NSG2: variants seen among roughly 807,000 people sequenced by gnomAD.
NSG2 encodes the protein neuronal vesicle trafficking associated 2.
A neutral mutation model predicts 16.9 loss-of-function variants in NSG2; 4 were observed. That is an observed-to-expected ratio of 0.24 (90% confidence interval 0.12 to 0.54). The LOEUF (loss-of-function observed/expected upper bound fraction) is 0.54. NSG2 is among the 20% of genes least tolerant of loss of function. The pLI is 0.95. For synonymous variants in NSG2, 98 were observed against 88.7 expected, an observed-to-expected ratio of 1.11 and a Z score of -0.59; for missense variants, 179 against 221.1, an observed-to-expected ratio of 0.81 and a Z score of 1.21.
At chr5:174,086,085 C>G (rs1760613305) in intron 3 of NSG2, among the ~76,000 whole-genome samples, 1 of 152,090 alleles carries the variant, frequency 6.6e-6, no homozygotes, top group South Asian at 2.1e-4. Flanking sequence ...ACCCGTTTAA[C>G]CCCCTGCCCT....
chr5:174,072,511 C>A lies in NSG2; in HGVS notation c.213+8196C>A, dbSNP rs532651346. On this transcript the variant is annotated intron_variant, in intron 3 of 4. Coordinates refer to ENST00000303177, the MANE Select transcript of NSG2 (RefSeq NM_015980.5). This position sits in a 1 kb window ranked among gnomAD's most constrained non-coding sequence, Gnocchi z 4.0. ...CTGACATGCAAAGCCTGTCCTTTCT[C>A]CTTTGGGTTCCTGCATGTCCTATAG... 6.6e-6 allele frequency among the ~76,000 whole-genome samples: 1 copy of A among 152,360 alleles called. No individual in the cohort carries two copies. The highest frequency in any genetic ancestry group is 1.5e-5 in the Non-Finnish European group (1 of 68,038).
At chr5:174,078,472 T>G (rs1290288731) in intron 3 of NSG2, among the ~76,000 whole-genome samples, 2 of 152,242 alleles carry the variant, frequency 1.3e-5, no homozygotes, top group African/African-American at 4.8e-5. Flanking sequence ...AGAGGATGTT[T>G]CATCATCTTT....
At chr5:174,048,931 T>C (rs1489789398) in intron 2 of NSG2, among the ~76,000 whole-genome samples, 1 of 152,206 alleles carries the variant, frequency 6.6e-6, no homozygotes, top group Admixed American at 6.5e-5. Flanking sequence ...TCACACAGTC[T>C]TTCACCAGGG....
intron 2 of NSG2, among the ~76,000 whole-genome samples, chr5:174,048,529 G>A (rs1282973550): frequency 6.6e-6 from 1 of 152,196 alleles, no homozygotes; most frequent in East Asian, 1.9e-4. Flanking sequence ...ATAAGTAGAG[G>A]TTGGGTAGGA....
At chr5:174,086,859 C>T (rs958894581) in intron 3 of NSG2, among the ~76,000 whole-genome samples, 5 of 152,214 alleles carry the variant, frequency 3.3e-5, no homozygotes, top group African/African-American at 9.7e-5. Flanking sequence ...GACCCTCGCT[C>T]TTCTTCCTAA....
At chr5:174,093,357 A>G (rs759430496) in intron 3 of NSG2, among the ~76,000 whole-genome samples, 5 of 152,208 alleles carry the variant, frequency 3.3e-5, no homozygotes, top group Non-Finnish European at 7.3e-5. Flanking sequence ...CCGCCATCCA[A>G]CAGCTATTGT....
intron 2 of NSG2, among the ~76,000 whole-genome samples, chr5:174,052,348 G>A (rs1257238704): frequency 1.3e-5 from 2 of 152,038 alleles, no homozygotes; most frequent in Non-Finnish European, 2.9e-5. Context: ...AGGTTGATTG[G>A]GAGGAGAATT....
chr5:174,104,326 A>G lies in NSG2; in HGVS notation c.312A>G (p.Gly104=), dbSNP rs773018930. The G allele has an allele frequency of 2.5e-6, 4 of 1,612,214 alleles. No individual in the cohort carries two copies. The highest frequency in any genetic ancestry group is 3.4e-6 in the Non-Finnish European group (4 of 1,178,230). Residue 104 remains glycine, a synonymous_variant, in exon 4 of 5, where the codon GGA becomes GGG. Coordinates refer to ENST00000303177, the MANE Select transcript of NSG2 (RefSeq NM_015980.5). ...AFTYDHSCPE[G]FVYKHKRCIP... The stretch of plus-strand genomic sequence containing the variant: ...CCTATGATCACAGCTGCCCAGAGGG[A>G]TTCGTCTATAAGGTAAGAGGTGGTT...
intron 2 of NSG2, among the ~76,000 whole-genome samples, chr5:174,063,426 C>T (rs1252198907): frequency 6.6e-6 from 1 of 152,164 alleles, no homozygotes; most frequent in East Asian, 1.9e-4. Flanking sequence ...ACAGATTCAA[C>T]AGAACTTTCT....
intron 3 of NSG2, chr5:174,082,278 A>G (rs191667422): frequency 6.6e-6 from 1 of 152,358 alleles, no homozygotes; most frequent in Non-Finnish European, 1.5e-5. Context: ...ATGGAAGTAC[A>G]AGACGTGGCT....
At chr5:174,087,030 G>A (rs1470176214) in intron 3 of NSG2, among the ~76,000 whole-genome samples, 1 of 152,140 alleles carries the variant, frequency 6.6e-6, no homozygotes, top group Non-Finnish European at 1.5e-5. Flanking sequence ...TTCCCATGGG[G>A]AGCTTTCCTC....
chr5:174,051,604 C>T (rs1381402623), intron 2 of NSG2, among the ~76,000 whole-genome samples: 2 of 152,026 alleles, frequency 1.3e-5, no homozygotes. Flanking sequence ...TCCAGCAAGT[C>T]TTATAGGGTA....
chr5:174,080,810 G>T (rs1272888147), intron 3 of NSG2, among the ~76,000 whole-genome samples: 1 of 152,046 alleles, frequency 6.6e-6, no homozygotes, highest in Non-Finnish European at 1.5e-5. Context: ...TGATCCGCCC[G>T]CCTTGGTCTC....
chr5:174,083,019 T>A (rs1260368640), intron 3 of NSG2, among the ~76,000 whole-genome samples: 1 of 152,206 alleles, frequency 6.6e-6, no homozygotes, highest in Non-Finnish European at 1.5e-5. Context: ...CTGCTTACCA[T>A]CCAAGACTTG....
chr5:174,049,264 T>C (rs183703521), intron 2 of NSG2, among the ~76,000 whole-genome samples: 3,618 of 152,208 alleles, frequency 0.024, 52 homozygotes, highest in African/African-American at 0.035. Flanking sequence ...GGCGTGAACC[T>C]GGGAGGCAGA....
intron 3 of NSG2, 140 bp downstream of exon 3, chr5:174,064,455 A>G: frequency 3.8e-6 from 2 of 531,052 alleles, no homozygotes; most frequent in South Asian, 7.1e-5. Context: ...TTGAAGCCAT[A>G]CAGTCTGGCC....
At chr5:174,094,477 TCAGAGAGATGAAGCATCTTA>T (rs1760764922) in intron 3 of NSG2, among the ~76,000 whole-genome samples, 1 of 152,132 alleles carries the variant, frequency 6.6e-6, no homozygotes, top group African/African-American at 2.4e-5. Context: ...AAAAAGGGGC[TCAGAGAGATGAAGCATCTTA>T]CCCAAGGTCA....
At chr5:174,074,559 C>T (rs548164277) in intron 3 of NSG2, among the ~76,000 whole-genome samples, 10 of 152,210 alleles carry the variant, frequency 6.6e-5, no homozygotes, top group East Asian at 5.8e-4. Flanking sequence ...AACCAGATTA[C>T]GTCATCAGAT....
chr5:174,095,837 T>TC (rs932000950), intron 3 of NSG2, among the ~76,000 whole-genome samples: 5 of 152,242 alleles, frequency 3.3e-5, no homozygotes, highest in South Asian at 2.1e-4. Flanking sequence ...AAGCAGGGAT[T>TC]CCCCTGTCCT....
Sources: allele counts gnomAD v4.1 joint callset (sites outside exome capture counted in the v4.1 genomes callset), GRCh38; gene constraint gnomAD v4.1.1; non-coding constraint Gnocchi (gnomAD v3.1); transcripts MANE v1.5; gene names NCBI Gene and HGNC (gene_info 2026-07-23, HGNC 2026-07-21).